The following JAK2 variants were observed in gnomAD, a reference collection of about 807,000 sequenced individuals.
The protein encoded by JAK2 is tyrosine-protein kinase JAK2.
Under a neutral mutation model 139.3 loss-of-function variants are expected in JAK2, and 86 were observed. The ratio of observed to expected loss-of-function variants is 0.62; its 90% CI spans 0.52 to 0.74. The LOEUF (loss-of-function observed/expected upper bound fraction) is 0.74. Among genes scored for constraint, JAK2 ranks in the 30% least tolerant of loss-of-function variants. JAK2 has a pLI of 0.00. For synonymous variants in JAK2, 490 were observed against 437.7 expected (o/e 1.12, Z -1.49); for missense variants, 1,421 against 1,360.3 (o/e 1.04, Z -0.70).
intron 22 of JAK2, among the ~76,000 whole-genome samples, chr9:5,105,463 C>G (rs571352754): frequency 1.3e-5 from 2 of 152,144 alleles, no homozygotes; most frequent in East Asian, 3.8e-4. Flanking sequence ...TAGGAAGAAT[C>G]AATATCGTGA....
intron 4 of JAK2, among the ~76,000 whole-genome samples, chr9:5,039,571 T>A (rs927063648): frequency 1.6e-4 from 24 of 152,120 alleles, no homozygotes; most frequent in African/African-American, 5.8e-4. Context: ...GATTACATGA[T>A]CTTGCATATT....
intron 8 of JAK2, 72 bp downstream of exon 8, chr9:5,055,860 TA>T (rs1586713455): frequency 1.5e-6 from 2 of 1,339,168 alleles, no homozygotes; most frequent in Middle Eastern, 2.1e-4. Flanking sequence ...AGAATCTTAG[TA>T]CCAAAATTAT....
At chr9:5,032,084 A>G (rs1823196675) in intron 4 of JAK2, among the ~76,000 whole-genome samples, 1 of 152,162 alleles carries the variant, frequency 6.6e-6, no homozygotes, top group South Asian at 2.1e-4. Flanking sequence ...TTCTAACGGT[A>G]TTAGCAAATG....
intron 4 of JAK2, among the ~76,000 whole-genome samples, chr9:5,039,266 C>G (rs565796156): frequency 6.6e-6 from 1 of 152,086 alleles, no homozygotes; most frequent in African/African-American, 2.4e-5. Flanking sequence ...ATTAAACCAA[C>G]TGCAGATTGA....
intron 4 of JAK2, among the ~76,000 whole-genome samples, chr9:5,036,761 A>G (rs538499690): frequency 7.4e-4 from 113 of 152,362 alleles, no homozygotes; most frequent in African/African-American, 2.6e-3. Flanking sequence ...TAAAAACCCT[A>G]GAAGAAAACC....
chr9:5,128,710 C>A lies in JAK2; in HGVS notation c.*1919C>A, dbSNP rs1400077772. Among the ~76,000 whole-genome samples, 3 of 151,620 alleles carry A rather than the reference C, an allele frequency of 2.0e-5. No homozygotes were observed. Among genetic ancestry groups the A allele is most frequent in the Admixed American group, 2.0e-4 (3 of 15,234 alleles). On this transcript the variant is annotated 3_prime_UTR_variant, in exon 25 of 25. Coordinates refer to ENST00000381652, the MANE Select transcript of JAK2 (RefSeq NM_004972.4). ...ACCTTATTATAAAATTCCAAGTTTC[C>A]AAGAGACTTCTTTTCATTGAGGCTT...
In JAK2 at chr9:5,123,190, C is replaced by T. The variant is rs1823749549; in HGVS notation, c.3177+69C>T. ...TTGATTTTTATAAATTTATGGGGTA[C>T]AAGTACAATTTTGCTACATGCATAC... On this transcript the variant is annotated intron_variant, in intron 23 of 24. Transcript: ENST00000381652. The T allele has an allele frequency of 3.7e-6, 4 of 1,081,940 alleles. No individual in the cohort carries two copies. The South Asian group carries it at 4.5e-5, about 12-fold the overall frequency. The allele number at this position is 1,081,940 out of a possible 1,614,324, so 67.0% of individuals were successfully genotyped here.
intron 2 of JAK2, among the ~76,000 whole-genome samples, chr9:5,010,997 A>G (rs759771408): frequency 6.6e-6 from 1 of 151,872 alleles, no homozygotes; most frequent in Non-Finnish European, 1.5e-5. Context: ...TGTCAGTTCT[A>G]TTTCTTGTCT....
intron 2 of JAK2, among the ~76,000 whole-genome samples, chr9:5,008,123 G>A (rs1821441279): frequency 6.6e-6 from 1 of 152,128 alleles, no homozygotes; most frequent in Non-Finnish European, 1.5e-5. Flanking sequence ...ATATTCTTCA[G>A]TGTTGCTATT....
At chr9:5,109,870 A>G (rs1281255820) in intron 22 of JAK2, 1 of 152,144 alleles carries the variant, frequency 6.6e-6, no homozygotes, top group Non-Finnish European at 1.5e-5. Context: ...TCCACCAACA[A>G]ACTCTTTCAA....
At chr9:5,113,922 C>A (rs1348976047) in intron 22 of JAK2, 1 of 240,140 alleles carries the variant, frequency 4.2e-6, no homozygotes, top group Non-Finnish European at 8.4e-6. Flanking sequence ...GACACTTACC[C>A]CCGACCATCC....
chr9:5,090,606 C>T (rs1235206649), intron 21 of JAK2, 36 bp downstream of exon 21: 1 of 1,547,306 alleles, frequency 6.5e-7, no homozygotes, highest in East Asian at 2.3e-5. Flanking sequence ...GTAGATGAAG[C>T]AACCGTGTTG....
In JAK2 at chr9:5,126,384, C is replaced by T. The variant is rs762830653; in HGVS notation, c.3229C>T (p.His1077Tyr). The T allele has an allele frequency of 3.7e-6, 6 of 1,610,734 alleles. No individual in the cohort carries two copies. In the South Asian group the frequency reaches 6.6e-5, roughly 18 times the overall value. The change falls in exon 24 of 25, where the codon CAT (histidine) becomes TAT (tyrosine). Residue 1077 changes from histidine (H) to tyrosine (Y), a missense_variant. Physicochemically the swap from His to Tyr is moderately conservative, Grantham distance 83 (BLOSUM62 2). Coordinates refer to ENST00000381652, the MANE Select transcript of JAK2 (RefSeq NM_004972.4). ...NDKQGQMIVF[H>Y]LIELLKNNGR... ...CAAACAAGGACAGATGATCGTGTTC[C>T]ATTTGATAGAACTTTTGAAGAATAA... is the stretch of plus-strand genomic sequence containing the variant.
intron 8 of JAK2, among the ~76,000 whole-genome samples, chr9:5,060,126 T>C (rs971772297): frequency 2.0e-5 from 3 of 152,200 alleles, no homozygotes; most frequent in Admixed American, 6.5e-5. Flanking sequence ...CATTATGTCT[T>C]AAAAATTAAT....
chr9:5,087,697 C>A (rs1820240946), intron 19 of JAK2, among the ~76,000 whole-genome samples: 1 of 152,098 alleles, frequency 6.6e-6, no homozygotes. Flanking sequence ...TACATTTTCC[C>A]ACTGCTTATT....
chr9:5,111,085 T>A, intron 22 of JAK2: 1 of 1,223,296 alleles, frequency 8.2e-7, no homozygotes, highest in Non-Finnish European at 1.1e-6. Flanking sequence ...CTCAGGCTCC[T>A]GGGGCAGCGG....
chr9:5,057,476 A>G (rs1817845656), intron 8 of JAK2, among the ~76,000 whole-genome samples: 1 of 152,036 alleles, frequency 6.6e-6, no homozygotes, highest in Admixed American at 6.6e-5. Context: ...TTTTGCATCC[A>G]ATTTCCAGAA....
chr9:4,991,694 C>G (rs114328119), intron 2 of JAK2, among the ~76,000 whole-genome samples: 7 of 141,332 alleles, frequency 5.0e-5, no homozygotes, highest in African/African-American at 7.8e-5. Context: ...CCCACCCCCC[C>G]ACCCCACATC....
chr9:5,125,741 G>A (rs10114315), intron 23 of JAK2, among the ~76,000 whole-genome samples: 38,125 of 128,726 alleles, frequency 0.3, 5,105 homozygotes, highest in African/African-American at 0.33. Flanking sequence ...TCTTAATGTG[G>A]TTGACTATAT....
Sources: allele counts gnomAD v4.1 joint callset (sites outside exome capture counted in the v4.1 genomes callset), GRCh38; gene constraint gnomAD v4.1.1; transcripts MANE v1.5; gene names NCBI Gene and HGNC (gene_info 2026-07-23, HGNC 2026-07-21).